The following AGPAT4 variants were observed in gnomAD, a reference collection of about 807,000 sequenced individuals.
AGPAT4 encodes 1-acyl-sn-glycerol-3-phosphate acyltransferase delta.
AGPAT4 carries 15 observed loss-of-function variants against 48.0 expected under a neutral mutation model. The observed-to-expected ratio is 0.31, with a 90% confidence interval of 0.21 to 0.48. The LOEUF is 0.48. Ranked by LOEUF, AGPAT4 falls within the 20% of genes least tolerant of loss-of-function variation. AGPAT4 has a pLI of 0.99. For missense variants in AGPAT4, 314 were observed against 482.5 expected, an observed-to-expected ratio of 0.65 and a Z score of 3.27; for synonymous variants, 178 against 198.7, an observed-to-expected ratio of 0.90 and a Z score of 0.88.
intron 2 of AGPAT4, among the ~76,000 whole-genome samples, chr6:161,187,761 C>T (rs1780813281): frequency 6.6e-6 from 1 of 152,132 alleles, no homozygotes; most frequent in Non-Finnish European, 1.5e-5. Context: ...CCAGCCTGGT[C>T]TCAAACTCCT....
In AGPAT4 at chr6:161,208,150, G is replaced by C. The variant is rs1402381180; in HGVS notation, c.178+23886C>G. ...TTCCAATTCTAATAAGAAAAAAACT[G>C]AACTGTCAGAAAAACAGATTTTCTG... On this transcript the variant is annotated intron_variant, in intron 2 of 8. Coordinates refer to ENST00000320285, the MANE Select transcript of AGPAT4 (RefSeq NM_020133.3). This position sits in a 1 kb window ranked among gnomAD's most constrained non-coding sequence, Gnocchi z 4.6. Among the ~76,000 whole-genome samples, 1 of 151,994 alleles carries C rather than the reference G, an allele frequency of 6.6e-6. No homozygotes were observed. Among genetic ancestry groups the C allele is most frequent in the African/African-American group, 2.4e-5 (1 of 41,380 alleles).
Position 161,133,341 on chromosome 6 carries a change from AATC to A in AGPAT4, c.*3196_*3198del, listed in dbSNP as rs1188935759. Reference sequence around the variant, plus strand: ...AACCCTAATGTTTTAAAATTTTTTTAATCATCAGCTGCTTTTACAAAGCTTTGC... The same window carrying A: ...AACCCTAATGTTTTAAAATTTTTTTAATCAGCTGCTTTTACAAAGCTTTGC... On this transcript the variant is annotated 3_prime_UTR_variant, in exon 9 of 9. Transcript: ENST00000320285. 2.6e-5 allele frequency: 4 copies of A among 152,224 alleles called. No homozygotes were observed. The highest frequency in any genetic ancestry group is 7.2e-5 in the African/African-American group (3 of 41,462). The allele number at this position is 152,224 out of a possible 1,614,324, so 9.4% of individuals were successfully genotyped here. A position where few individuals can be genotyped will look rare whatever the true frequency, so the allele number is the denominator to read the frequency against.
chr6:161,179,399 C>G (rs1206322051), intron 2 of AGPAT4, among the ~76,000 whole-genome samples: 4 of 152,222 alleles, frequency 2.6e-5, no homozygotes, highest in Non-Finnish European at 5.9e-5. Flanking sequence ...TCAGAATATA[C>G]AATCACACCT....
chr6:161,266,869 C>T lies in AGPAT4; in HGVS notation c.-90+7069G>A, dbSNP rs1783279032. 6.6e-6 allele frequency among the ~76,000 whole-genome samples: 1 copy of T among 152,146 alleles called. No individual in the cohort carries two copies. Among genetic ancestry groups the T allele is most frequent in the Admixed American group, 6.5e-5 (1 of 15,278 alleles). ...AGAAGACTGACAGCTCACGAGGAGC[C>T]CATGGAGATGGGCAAGAGACCAAAT... On this transcript the variant is annotated intron_variant, in intron 1 of 8. Transcript: ENST00000320285. This position sits in a 1 kb window ranked among gnomAD's most constrained non-coding sequence, Gnocchi z 6.2.
In AGPAT4 at chr6:161,177,244, C is replaced by T. The variant is rs1425949711; in HGVS notation, c.179-10827G>A. The stretch of plus-strand genomic sequence containing the variant: ...TAATATCCTGTAGAGTGTTTTCCAA[C>T]GTGGTTCCATTCTCCCCGTCACTTT... On this transcript the variant is annotated intron_variant, in intron 2 of 8. Transcript: ENST00000320285. This position sits in a 1 kb window ranked among gnomAD's most constrained non-coding sequence, Gnocchi z 5.0. Among the ~76,000 whole-genome samples, 2 of 152,182 alleles carry T rather than the reference C, an allele frequency of 1.3e-5. No individual in the cohort carries two copies. Among genetic ancestry groups the T allele is most frequent in the East Asian group, 1.9e-4 (1 of 5,200 alleles).
rs1031228724 is a variant in AGPAT4, at chr6:161,134,554, A to G, written c.*1986T>C. 3 of 152,140 alleles carry G rather than the reference A, an allele frequency of 2.0e-5. No homozygotes were observed. Among genetic ancestry groups the G allele is most frequent in the East Asian group, 1.9e-4 (1 of 5,188 alleles). 9.4% of individuals were successfully genotyped at this position (152,140 alleles called of 1,614,324 possible). On this transcript the variant is annotated 3_prime_UTR_variant, in exon 9 of 9. Transcript: ENST00000320285. Reference sequence around the variant, plus strand: ...CCTTGACACACCCCAAGAGGTAGATATCGTCACCCCCATTTTGCAGATGGG... The same window carrying G: ...CCTTGACACACCCCAAGAGGTAGATGTCGTCACCCCCATTTTGCAGATGGG...
intron 2 of AGPAT4, among the ~76,000 whole-genome samples, chr6:161,168,645 C>T (rs756629060): frequency 2.6e-5 from 4 of 152,286 alleles, no homozygotes; most frequent in East Asian, 3.9e-4. Flanking sequence ...TTACCTAATG[C>T]GTTCAAGCAC....
chr6:161,213,793 T>C (rs1184956083), intron 2 of AGPAT4, among the ~76,000 whole-genome samples: 1 of 152,080 alleles, frequency 6.6e-6, no homozygotes, highest in Non-Finnish European at 1.5e-5. Context: ...TAAAAATGAG[T>C]TTTCCTAATA....
rs1022054303 is a variant in AGPAT4 at position 161,233,447 on chromosome 6, T to C, written c.-89-1145A>G. On this transcript the variant is annotated intron_variant, in intron 1 of 8. Coordinates refer to ENST00000320285, the MANE Select transcript of AGPAT4 (RefSeq NM_020133.3). The surrounding 1 kb of genome is among the most constrained non-coding windows in gnomAD (Gnocchi z 5.4). ...CAATAATAGTTGAGAGGCCCTAAAA[T>C]TGTTACAATCTTTTTTAATAATGAA... 6.6e-6 allele frequency among the ~76,000 whole-genome samples: 1 copy of C among 152,150 alleles called. No individual in the cohort carries two copies. The highest frequency in any genetic ancestry group is 1.5e-5 in the Non-Finnish European group (1 of 68,014).
Position 161,229,145 on chromosome 6 carries a change from T to G in AGPAT4, c.178+2891A>C, listed in dbSNP as rs1489694484. Among the ~76,000 whole-genome samples, 1 of 152,072 alleles carries G rather than the reference T, an allele frequency of 6.6e-6. No homozygotes were observed. Among genetic ancestry groups the G allele is most frequent in the Non-Finnish European group, 1.5e-5 (1 of 68,000 alleles). ...ACACACCAAGCTCTTAACAAATATT[T>G]AATGAGAAAAGAGACAAAGCCATAG... On this transcript the variant is annotated intron_variant, in intron 2 of 8. Coordinates refer to ENST00000320285, the MANE Select transcript of AGPAT4 (RefSeq NM_020133.3). The surrounding 1 kb of genome is among the most constrained non-coding windows in gnomAD (Gnocchi z 6.0).
At chr6:161,239,917 A>G (rs1324256799) in intron 1 of AGPAT4, among the ~76,000 whole-genome samples, 1 of 152,198 alleles carries the variant, frequency 6.6e-6, no homozygotes, top group East Asian at 1.9e-4. Flanking sequence ...TCTTAAGGAC[A>G]AAATTAACTT....
At chr6:161,237,268 G>A (rs1458314476) in intron 1 of AGPAT4, among the ~76,000 whole-genome samples, 1 of 152,230 alleles carries the variant, frequency 6.6e-6, no homozygotes, top group Non-Finnish European at 1.5e-5. Context: ...ATTGAATTTA[G>A]CCAATCATTT....
At position 161,254,814 on chromosome 6, in the gene AGPAT4, T is replaced by C. The variant is rs1240631791; in HGVS notation, c.-90+19124A>G. Among the ~76,000 whole-genome samples, 8 of 152,228 alleles carry C rather than the reference T, an allele frequency of 5.3e-5. No homozygotes were observed. The highest frequency in any genetic ancestry group is 1.2e-4 in the Non-Finnish European group (8 of 68,036). On this transcript the variant is annotated intron_variant, in intron 1 of 8. Transcript: ENST00000320285. The surrounding 1 kb of genome is among the most constrained non-coding windows in gnomAD (Gnocchi z 5.9). ...ATTTAGAGAACAAACATGGATTCAA[T>C]ACTAAAAGCCAGTGTGTTTGGGTTT...
chr6:161,223,988 C>T lies in AGPAT4; in HGVS notation c.178+8048G>A, dbSNP rs1781901142. 2.0e-5 allele frequency among the ~76,000 whole-genome samples: 3 copies of T among 152,200 alleles called. 1 individual carries two copies. In the South Asian group the frequency reaches 6.2e-4, roughly 31 times the overall value. The stretch of plus-strand genomic sequence containing the variant: ...GAAGTGTTGTTCCTCTTAGCCTGCA[C>T]GGATCGTGATTCTTTTATTTTTCTC... On this transcript the variant is annotated intron_variant, in intron 2 of 8. Coordinates refer to ENST00000320285, the MANE Select transcript of AGPAT4 (RefSeq NM_020133.3). This position sits in a 1 kb window ranked among gnomAD's most constrained non-coding sequence, Gnocchi z 6.3.
In AGPAT4 at chr6:161,215,159, A is replaced by T. The variant is rs571765474; in HGVS notation, c.178+16877T>A. On this transcript the variant is annotated intron_variant, in intron 2 of 8. Coordinates refer to ENST00000320285, the MANE Select transcript of AGPAT4 (RefSeq NM_020133.3). The surrounding 1 kb of genome is among the most constrained non-coding windows in gnomAD (Gnocchi z 4.5). ...TGAGTACAATTTTAATACTATTACA[A>T]GAGTCTTCACAATTTGGCAAGCTAC... is the stretch of plus-strand genomic sequence containing the variant. 6.6e-6 allele frequency among the ~76,000 whole-genome samples: 1 copy of T among 152,354 alleles called. No individual in the cohort carries two copies. The highest frequency in any genetic ancestry group is 2.1e-4 in the South Asian group (1 of 4,830).
intron 5 of AGPAT4, among the ~76,000 whole-genome samples, chr6:161,150,657 G>A (rs895817541): frequency 6.6e-5 from 10 of 152,232 alleles, no homozygotes; most frequent in Admixed American, 5.9e-4. Flanking sequence ...GGCCCGGAGT[G>A]CCCGAGACCA....
At position 161,159,547 on chromosome 6, in the gene AGPAT4, G is replaced by A. The variant is rs557252944; in HGVS notation, c.349-5237C>T. On this transcript the variant is annotated intron_variant, in intron 3 of 8. Transcript: ENST00000320285. This position sits in a 1 kb window ranked among gnomAD's most constrained non-coding sequence, Gnocchi z 4.1. ...CTGGAATCTCTGAAATCTGTCCCTA[G>A]TTATAGCAAAATGCAGAAAAGACTG... Among the ~76,000 whole-genome samples the A allele has an allele frequency of 8.5e-5, 13 of 152,282 alleles. No homozygotes were observed. Among genetic ancestry groups the A allele is most frequent in the African/African-American group, 3.1e-4 (13 of 41,560 alleles).
chr6:161,161,537 A>G lies in AGPAT4; in HGVS notation c.348+4711T>C, dbSNP rs1562318611. ...TGGCGGGCAGCACTGGGTATCTGCC[A>G]TAGGCTCAGGTGATGCCAGCAGTGA... On this transcript the variant is annotated intron_variant, in intron 3 of 8. Transcript: ENST00000320285. This position sits in a 1 kb window ranked among gnomAD's most constrained non-coding sequence, Gnocchi z 4.6. 1 of 455,962 alleles carries G rather than the reference A, an allele frequency of 2.2e-6. No homozygotes were observed. The highest frequency in any genetic ancestry group is 1.6e-5 in the South Asian group (1 of 64,504). 28.2% of individuals were successfully genotyped at this position (455,962 alleles called of 1,614,324 possible).
In AGPAT4 at chr6:161,251,076, C is replaced by A. The variant is rs376070885; in HGVS notation, c.-89-18774G>T. 1.4e-4 allele frequency among the ~76,000 whole-genome samples: 21 copies of A among 152,260 alleles called. No homozygotes were observed. The highest frequency in any genetic ancestry group is 9.6e-4 in the East Asian group (5 of 5,184). ...TACGATGAAGTAAGAACTGTAATTT[C>A]TTTCATAATGTTTAAACTTAGGGCT... On this transcript the variant is annotated intron_variant, in intron 1 of 8. Transcript: ENST00000320285. This position sits in a 1 kb window ranked among gnomAD's most constrained non-coding sequence, Gnocchi z 4.6.
Sources: gnomAD v4.1 joint callset for allele counts (sites outside exome capture counted in the v4.1 genomes callset) on GRCh38, gnomAD v4.1.1 for gene constraint, Gnocchi (gnomAD v3.1) non-coding constraint, MANE v1.5 for transcripts, NCBI Gene and HGNC (gene_info 2026-07-23, HGNC 2026-07-21) for gene names.